CNTNAP5: variants seen among roughly 807,000 people sequenced by gnomAD.
CNTNAP5 encodes contactin-associated protein-like 5.
Under a neutral mutation model 150.2 loss-of-function variants are expected in CNTNAP5, and 72 were observed. The observed-to-expected ratio is 0.48, with a 90% CI of 0.40 to 0.58. The LOEUF is 0.58. Ranked by LOEUF, CNTNAP5 falls within the 20% of genes least tolerant of loss-of-function variation. The probability of loss-of-function intolerance (pLI) is 0.00; values close to 1 mark genes in which losing one functional copy is unlikely to be tolerated. For synonymous variants in CNTNAP5, 672 were observed against 619.8 expected (o/e 1.08, Z -1.25); for missense variants, 1,636 against 1,626.2 (o/e 1.01, Z -0.10).
At chr2:124,173,188 A>G (rs532372445) in intron 1 of CNTNAP5, among the ~76,000 whole-genome samples, 1 of 152,208 alleles carries the variant, frequency 6.6e-6, no homozygotes, top group Admixed American at 6.5e-5. Context: ...CCATTCCCCT[A>G]TCTCACTCCC....
At chr2:124,108,174 T>TC (rs1683209417) in intron 1 of CNTNAP5, among the ~76,000 whole-genome samples, 1 of 152,186 alleles carries the variant, frequency 6.6e-6, no homozygotes, top group Admixed American at 6.5e-5. Flanking sequence ...AAAAGTATTT[T>TC]AGGGTAAAAA....
At chr2:124,804,561 C>T (rs988342526) in intron 19 of CNTNAP5, among the ~76,000 whole-genome samples, 16 of 152,118 alleles carry the variant, frequency 1.1e-4, no homozygotes, top group Middle Eastern at 3.4e-3. Flanking sequence ...AGCCCTAATC[C>T]GACAGGATTA....
At chr2:124,336,548 C>T (rs1262792944) in intron 3 of CNTNAP5, among the ~76,000 whole-genome samples, 4 of 120,390 alleles carry the variant, frequency 3.3e-5, no homozygotes, top group African/African-American at 1.3e-4. Flanking sequence ...CAACAGTCTC[C>T]GGTGTGTGAT....
chr2:124,828,355 C>A (rs990329280), intron 19 of CNTNAP5, among the ~76,000 whole-genome samples: 2 of 151,978 alleles, frequency 1.3e-5, no homozygotes, highest in African/African-American at 4.8e-5. Context: ...GTGGCAGGCA[C>A]CTGTAGTCCC....
chr2:124,109,140 C>A (rs1683237689), intron 1 of CNTNAP5, among the ~76,000 whole-genome samples: 1 of 152,122 alleles, frequency 6.6e-6, no homozygotes, highest in Admixed American at 6.5e-5. Context: ...TCCAAAGGGT[C>A]CCTGATTGAA....
intron 12 of CNTNAP5, among the ~76,000 whole-genome samples, chr2:124,645,642 A>C (rs949656225): frequency 1.3e-5 from 2 of 152,200 alleles, no homozygotes; most frequent in African/African-American, 4.8e-5. Flanking sequence ...GTTTTAGGAA[A>C]TAGTCTTAAG....
chr2:124,432,992 C>G (rs1030723466), intron 4 of CNTNAP5, among the ~76,000 whole-genome samples: 3 of 152,248 alleles, frequency 2.0e-5, no homozygotes, highest in African/African-American at 7.2e-5. Context: ...AGCACATGTA[C>G]TTCTCAAAGC....
At chr2:124,309,971 C>A (rs976905104) in intron 3 of CNTNAP5, among the ~76,000 whole-genome samples, 1 of 152,000 alleles carries the variant, frequency 6.6e-6, no homozygotes, top group African/African-American at 2.4e-5. Context: ...CAAGCATGTG[C>A]TTCCGTATAG....
intron 2 of CNTNAP5, among the ~76,000 whole-genome samples, chr2:124,227,141 G>A (rs1344640847): frequency 6.6e-6 from 1 of 152,130 alleles, no homozygotes; most frequent in African/African-American, 2.4e-5. Flanking sequence ...AAAGCAATGA[G>A]CAATCACTCT....
intron 19 of CNTNAP5, among the ~76,000 whole-genome samples, chr2:124,848,424 G>A (rs764429216): frequency 1.3e-5 from 2 of 151,928 alleles, no homozygotes; most frequent in African/African-American, 4.8e-5. Context: ...GAACACTCTG[G>A]TTATTTCTAT....
chr2:124,609,346 T>G (rs1677325295), intron 11 of CNTNAP5, among the ~76,000 whole-genome samples: 1 of 152,116 alleles, frequency 6.6e-6, no homozygotes, highest in African/African-American at 2.4e-5. Flanking sequence ...CCCAGCAGCT[T>G]GAGAGACTGA....
intron 13 of CNTNAP5, among the ~76,000 whole-genome samples, chr2:124,729,891 A>G (rs1373084893): frequency 6.6e-6 from 1 of 152,120 alleles, no homozygotes; most frequent in African/African-American, 2.4e-5. Context: ...TAGACTTCTA[A>G]GAGAGCAGCC....
chr2:124,361,758 TTTTG>T (rs1690206154), intron 3 of CNTNAP5, among the ~76,000 whole-genome samples: 1 of 151,924 alleles, frequency 6.6e-6, no homozygotes, highest in Admixed American at 6.6e-5. Flanking sequence ...ACTACTGTCT[TTTTG>T]TTTGTCTGTG....
At chr2:124,692,540 T>C (rs1002106557) in intron 13 of CNTNAP5, among the ~76,000 whole-genome samples, 2 of 152,062 alleles carry the variant, frequency 1.3e-5, no homozygotes, top group Non-Finnish European at 2.9e-5. Context: ...AGCTTATCCA[T>C]GGAGGTTGGA....
chr2:124,350,453 GTT>G (rs71641606), intron 3 of CNTNAP5, among the ~76,000 whole-genome samples: 16 of 142,904 alleles, frequency 1.1e-4, no homozygotes, highest in East Asian at 2.1e-4. Context: ...TTTGTGGCTT[GTT>G]TTTTTTTTTT....
In CNTNAP5 at chr2:124,129,149, G is replaced by T. The variant is rs542483127; in HGVS notation, c.83-92556G>T. On this transcript the variant is annotated intron_variant, in intron 1 of 23. Coordinates refer to ENST00000682447, the MANE Select transcript of CNTNAP5 (RefSeq NM_001367498.1). ...AAGCAATGTACAACAAAATATTTGC[G>T]TTTAATACAACTAGATGGTGGTTGC... 3.3e-5 allele frequency among the ~76,000 whole-genome samples: 5 copies of T among 151,998 alleles called. No individual in the cohort carries two copies. The South Asian group carries it at 6.3e-4, about 19-fold the overall frequency.
At chr2:124,673,864 A>G (rs1385848159) in intron 13 of CNTNAP5, among the ~76,000 whole-genome samples, 1 of 152,034 alleles carries the variant, frequency 6.6e-6, no homozygotes, top group Admixed American at 6.6e-5. Flanking sequence ...TTATTAAGAT[A>G]TATTTAATAA....
intron 1 of CNTNAP5, among the ~76,000 whole-genome samples, chr2:124,157,819 A>C (rs533789201): frequency 6.6e-6 from 1 of 152,272 alleles, no homozygotes; most frequent in African/African-American, 2.4e-5. Context: ...GGAGATCCCA[A>C]CCTAACCTTA....
At chr2:124,079,368 G>A (rs1156698889) in intron 1 of CNTNAP5, among the ~76,000 whole-genome samples, 1 of 152,120 alleles carries the variant, frequency 6.6e-6, no homozygotes, top group Non-Finnish European at 1.5e-5. Flanking sequence ...GAAGCTCCAG[G>A]CACTCTGCTC....
Sources: gnomAD v4.1 joint callset for allele counts (sites outside exome capture counted in the v4.1 genomes callset) on GRCh38, gnomAD v4.1.1 for gene constraint, MANE v1.5 for transcripts, NCBI Gene and HGNC (gene_info 2026-07-23, HGNC 2026-07-21) for gene names.